Variants in RRM2B observed in about 807,000 individuals in gnomAD.
The protein encoded by RRM2B is ribonucleotide reductase regulatory TP53 inducible subunit M2B, also known as ribonucleoside-diphosphate reductase subunit M2 B.
Under a neutral mutation model 45.9 loss-of-function variants are expected in RRM2B, and 20 were observed. The observed-to-expected ratio is 0.44, with a 90% confidence interval of 0.31 to 0.63. RRM2B has a LOEUF of 0.63. Among genes scored for constraint, RRM2B ranks in the 30% least tolerant of loss-of-function variants. The probability of loss-of-function intolerance (pLI) is 0.09; values close to 1 mark genes in which losing one functional copy is unlikely to be tolerated. For synonymous variants in RRM2B, 124 were observed against 132.3 expected, an observed-to-expected ratio of 0.94 and a Z score of 0.43; for missense variants, 320 against 414.7, an observed-to-expected ratio of 0.77 and a Z score of 1.98.
In RRM2B at chr8:102,212,845, A is replaced by G. The variant is rs888006845; in HGVS notation, c.834T>C (p.Asn278=). 1.2e-5 allele frequency: 20 copies of G among 1,611,640 alleles called. No homozygotes were observed. The Admixed American group carries it at 2.3e-4, about 19-fold the overall frequency. The change falls in exon 8 of 9, where the codon AAT becomes AAC. Residue 278 remains asparagine, a synonymous_variant. Transcript: ENST00000251810. The part of the protein sequence containing the change: ...EALPVGLIGM[N]CILMKQYIEF... The stretch of plus-strand genomic sequence containing the variant: ...CAATGTACTGTTTCATCAAAATGCA[A>G]TTCATTCCAATGAGGCCAACTGGCA...
intron 6 of RRM2B, among the ~76,000 whole-genome samples, chr8:102,215,523 A>T (rs2132546481): frequency 1.3e-5 from 2 of 152,322 alleles, no homozygotes; most frequent in East Asian, 3.9e-4. Context: ...TCCCAATGGA[A>T]TTGGTGTGTG....
intron 6 of RRM2B, 100 bp from the exon 7 acceptor site, chr8:102,214,258 C>A: frequency 1.2e-6 from 1 of 809,650 alleles, no homozygotes; most frequent in Admixed American, 1.9e-5. Context: ...AGGAATATAA[C>A]ACAGAACTTC....
At chr8:102,233,999 T>G (rs1379693717) in intron 1 of RRM2B, among the ~76,000 whole-genome samples, 1 of 152,178 alleles carries the variant, frequency 6.6e-6, no homozygotes, top group Non-Finnish European at 1.5e-5. Flanking sequence ...TTTTAAATTT[T>G]TTGTAGAGAT....
rs1036792697 is a variant in RRM2B at position 102,204,563 on chromosome 8, A to G, written c.*3570T>C. The G allele has an allele frequency of 6.6e-6, 1 of 152,200 alleles. No individual in the cohort carries two copies. Among genetic ancestry groups the G allele is most frequent in the African/African-American group, 2.4e-5 (1 of 41,468 alleles). The allele number at this position is 152,200 out of a possible 1,614,324, so 9.4% of individuals were successfully genotyped here. On this transcript the variant is annotated 3_prime_UTR_variant, in exon 9 of 9. Coordinates refer to ENST00000251810, the MANE Select transcript of RRM2B (RefSeq NM_015713.5). The stretch of plus-strand genomic sequence containing the variant: ...CACTTATAAAGAAACCTTCCTCAAA[A>G]AGGAAATGTACAAAATGATGAAGAT...
At chr8:102,231,643 G>A (rs1811030103) in intron 2 of RRM2B, among the ~76,000 whole-genome samples, 1 of 152,152 alleles carries the variant, frequency 6.6e-6, no homozygotes, top group African/African-American at 2.4e-5. Flanking sequence ...GGCTGAGGCA[G>A]GTGGATCACA....
chr8:102,223,937 A>T, intron 5 of RRM2B, 109 bp downstream of exon 5: 1 of 811,152 alleles, frequency 1.2e-6, no homozygotes, highest in Non-Finnish European at 2.2e-6. Context: ...AGACATTTGT[A>T]CTCCTTTTCC....
At chr8:102,231,079 TACATATACAA>T (rs1361902612) in intron 2 of RRM2B, among the ~76,000 whole-genome samples, 1 of 152,236 alleles carries the variant, frequency 6.6e-6, no homozygotes, top group Non-Finnish European at 1.5e-5. Context: ...TCTATAGAGA[TACATATACAA>T]ACATATACAG....
chr8:102,235,541 G>A (rs1405086528), intron 1 of RRM2B, among the ~76,000 whole-genome samples: 1 of 152,216 alleles, frequency 6.6e-6, no homozygotes, highest in African/African-American at 2.4e-5. Context: ...TAGGTCATTA[G>A]AAGAGATAAT....
chr8:102,222,647 A>T (rs1484776238), intron 5 of RRM2B, among the ~76,000 whole-genome samples: 1 of 152,218 alleles, frequency 6.6e-6, no homozygotes, highest in Non-Finnish European at 1.5e-5. Context: ...AATAATCTGA[A>T]AAGCTAAATA....
Position 102,206,940 on chromosome 8 carries a change from G to C in RRM2B, c.*1193C>G, listed in dbSNP as rs1810553601. 6.6e-6 allele frequency: 1 copy of C among 152,122 alleles called. No homozygotes were observed. Among genetic ancestry groups the C allele is most frequent in the African/African-American group, 2.4e-5 (1 of 41,436 alleles). 9.4% of individuals were successfully genotyped at this position (152,122 alleles called of 1,614,324 possible). On this transcript the variant is annotated 3_prime_UTR_variant, in exon 9 of 9. Transcript: ENST00000251810. The stretch of plus-strand genomic sequence containing the variant: ...AGAAACACAGCCTAAGTCAATTGCT[G>C]GTACACTATTCAGGCTGGTATAAAT...
At position 102,218,857 on chromosome 8, in the gene RRM2B, A is replaced by G. The variant is rs1810777869; in HGVS notation, c.641T>C (p.Met214Thr). 1 of 1,613,954 alleles carries G rather than the reference A, an allele frequency of 6.2e-7. No individual in the cohort carries two copies. Among genetic ancestry groups the G allele is most frequent in the Non-Finnish European group, 8.5e-7 (1 of 1,179,828 alleles). Residue 214 changes from methionine (M) to threonine (T), a missense_variant, in exon 6 of 9, where the codon ATG (methionine) becomes ACG (threonine). Physicochemically the swap from Met to Thr is moderately conservative, Grantham distance 81 (BLOSUM62 -1). Transcript: ENST00000251810. ...TTCATTGGAAAAAGTGAGTCCTGGC[A>G]TAAGACCTCTCTTCTTTAGCCAGAA... ...AIFWLKKRGL[M>T]PGLTFSNELI...
chr8:102,212,717 A>G (rs1314891421), intron 8 of RRM2B, 59 bp downstream of exon 8: 1 of 857,112 alleles, frequency 1.2e-6, no homozygotes, highest in African/African-American at 1.7e-5. Context: ...ATTATACTTT[A>G]GGGTCCTTGC....
intron 3 of RRM2B, 76 bp from the exon 4 acceptor site, chr8:102,225,094 C>A: frequency 6.6e-7 from 1 of 1,511,938 alleles, no homozygotes; most frequent in South Asian, 1.1e-5. Context: ...ATCTGGACAT[C>A]AGCATTATCG....
chr8:102,226,901 A>C (rs1810942094), intron 2 of RRM2B, among the ~76,000 whole-genome samples: 1 of 152,114 alleles, frequency 6.6e-6, no homozygotes, highest in South Asian at 2.1e-4. Context: ...TTTTTAGTAG[A>C]GACGGAGTTT....
At chr8:102,227,218 G>A (rs892512864) in intron 2 of RRM2B, among the ~76,000 whole-genome samples, 1 of 152,022 alleles carries the variant, frequency 6.6e-6, no homozygotes, top group Non-Finnish European at 1.5e-5. Context: ...AAATATTTTT[G>A]AAAATGTTCA....
At chr8:102,210,303 T>A (rs29000281) in intron 8 of RRM2B, among the ~76,000 whole-genome samples, 7,650 of 152,300 alleles carry the variant, frequency 0.05, 291 homozygotes, top group Admixed American at 0.096. Flanking sequence ...ATTGGAGCTG[T>A]AATATACAGC....
intron 6 of RRM2B, among the ~76,000 whole-genome samples, chr8:102,214,762 AT>A (rs1418037914): frequency 1.3e-5 from 2 of 149,612 alleles, no homozygotes; most frequent in African/African-American, 4.9e-5. Context: ...ACAAAAAAAA[AT>A]AAAAAATAAA....
chr8:102,210,210 T>C (rs770841141), intron 8 of RRM2B, among the ~76,000 whole-genome samples: 5 of 152,212 alleles, frequency 3.3e-5, no homozygotes, highest in Non-Finnish European at 7.3e-5. Context: ...GTATCTTTTT[T>C]CCAAAAACTC....
chr8:102,231,880 A>G (rs1354334658), intron 2 of RRM2B, among the ~76,000 whole-genome samples: 1 of 151,784 alleles, frequency 6.6e-6, no homozygotes. Context: ...AAAAAAAAAA[A>G]AAAAAAGAAA....
Sources: allele counts gnomAD v4.1 joint callset (sites outside exome capture counted in the v4.1 genomes callset), GRCh38; gene constraint gnomAD v4.1.1; transcripts MANE v1.5; gene names NCBI Gene and HGNC (gene_info 2026-07-23, HGNC 2026-07-21).